BBX: variants seen among roughly 807,000 people sequenced by gnomAD.
BBX encodes the protein BBX high mobility group box domain containing.
A neutral mutation model predicts 100.2 loss-of-function variants in BBX; 30 were observed. That is an observed-to-expected ratio of 0.30 (90% CI 0.22 to 0.41). The LOEUF is 0.41. Ranked by LOEUF, BBX falls within the 10% of genes least tolerant of loss-of-function variation. BBX has a pLI of 1.00. For missense variants in BBX, 1,023 were observed against 1,129.8 expected, an observed-to-expected ratio of 0.91 and a Z score of 1.35; for synonymous variants, 376 against 388.1, an observed-to-expected ratio of 0.97 and a Z score of 0.37.
intron 3 of BBX, among the ~76,000 whole-genome samples, chr3:107,695,751 T>C (rs548596536): frequency 6.6e-6 from 1 of 151,490 alleles, no homozygotes; most frequent in South Asian, 2.1e-4. Context: ...TGGGTATCCT[T>C]GTTGACTTTC....
At chr3:107,597,561 T>A (rs1489935753) in intron 2 of BBX, among the ~76,000 whole-genome samples, 1 of 152,190 alleles carries the variant, frequency 6.6e-6, no homozygotes, top group Non-Finnish European at 1.5e-5. Flanking sequence ...TCATTCTTTT[T>A]AAATATATAC....
intron 12 of BBX, 101 bp from the exon 13 acceptor site, chr3:107,778,270 A>G: frequency 7.1e-7 from 1 of 1,410,992 alleles, no homozygotes; most frequent in Non-Finnish European, 9.8e-7. Context: ...TAATTCCCAG[A>G]GACCCTGTTT....
chr3:107,785,402 C>A (rs1412785310), intron 13 of BBX, among the ~76,000 whole-genome samples: 2 of 151,936 alleles, frequency 1.3e-5, no homozygotes, highest in Non-Finnish European at 2.9e-5. Context: ...AGATCAATAT[C>A]TCTTACAAAT....
intron 2 of BBX, among the ~76,000 whole-genome samples, chr3:107,620,198 T>G (rs2055636644): frequency 6.6e-6 from 1 of 152,186 alleles, no homozygotes; most frequent in South Asian, 2.1e-4. Context: ...AAATTTTTTA[T>G]TTTGGTTATT....
At chr3:107,645,397 G>A (rs980574246) in intron 2 of BBX, among the ~76,000 whole-genome samples, 32 of 151,978 alleles carry the variant, frequency 2.1e-4, no homozygotes, top group African/African-American at 7.7e-4. Flanking sequence ...TATTTAAAAG[G>A]CAAATCATAA....
Position 107,698,331 on chromosome 3 carries a change from T to TA in BBX, c.-9-12113dup, listed in dbSNP as rs200614087. Among the ~76,000 whole-genome samples, 62 of 151,234 alleles carry TA rather than the reference T, an allele frequency of 4.1e-4. 1 individual carries two copies. Among genetic ancestry groups the TA allele is most frequent in the African/African-American group, 1.1e-3 (43 of 40,892 alleles). ...ATTTAATATATATATATGTTTTTTT[T>TA]AAAAAAAATGTATGATTGCTCTTAA... On this transcript the variant is annotated intron_variant, in intron 3 of 17. Coordinates refer to ENST00000325805, the MANE Select transcript of BBX (RefSeq NM_001142568.3).
rs1356197672 is a variant in BBX at position 107,808,802 on chromosome 3, T to C, written c.*3345T>C. 1 of 152,214 alleles carries C rather than the reference T, an allele frequency of 6.6e-6. No individual in the cohort carries two copies. The highest frequency in any genetic ancestry group is 1.5e-5 in the Non-Finnish European group (1 of 68,038). 9.4% of individuals were successfully genotyped at this position (152,214 alleles called of 1,614,324 possible). On this transcript the variant is annotated 3_prime_UTR_variant, in exon 18 of 18. Coordinates refer to ENST00000325805, the MANE Select transcript of BBX (RefSeq NM_001142568.3). The stretch of plus-strand genomic sequence containing the variant: ...AAAAGGTAAATTCTACTGTTGTAAT[T>C]CCGATAGTCTTTTTCCCACAAATAT...
intron 2 of BBX, among the ~76,000 whole-genome samples, chr3:107,540,270 A>G (rs141115196): frequency 3.3e-5 from 5 of 152,210 alleles, no homozygotes; most frequent in Non-Finnish European, 7.4e-5. Flanking sequence ...ATGGGGGTCA[A>G]AGTGTTAGCA....
At chr3:107,673,286 A>G (rs1051911191) in intron 3 of BBX, among the ~76,000 whole-genome samples, 1 of 152,090 alleles carries the variant, frequency 6.6e-6, no homozygotes, top group African/African-American at 2.4e-5. Context: ...AAAACCTTTT[A>G]TGGGGTGTAA....
intron 2 of BBX, among the ~76,000 whole-genome samples, chr3:107,541,030 C>T (rs1185840408): frequency 1.3e-5 from 2 of 152,176 alleles, no homozygotes; most frequent in East Asian, 1.9e-4. Flanking sequence ...GCATCTTTCT[C>T]CTTTAGTGGC....
intron 2 of BBX, among the ~76,000 whole-genome samples, chr3:107,543,973 C>G (rs902967740): frequency 3.3e-5 from 5 of 152,188 alleles, no homozygotes; most frequent in Non-Finnish European, 7.3e-5. Flanking sequence ...GTCACTCGGA[C>G]TGAATCCATT....
At chr3:107,772,547 A>G (rs2066992070) in intron 10 of BBX, 81 bp from the exon 11 acceptor site, 1 of 1,364,118 alleles carries the variant, frequency 7.3e-7, no homozygotes, top group Non-Finnish European at 9.9e-7. Flanking sequence ...TTTAAAACAG[A>G]TATAATTGAA....
chr3:107,576,192 A>G (rs1359025984), intron 2 of BBX, among the ~76,000 whole-genome samples: 1 of 152,232 alleles, frequency 6.6e-6, no homozygotes, highest in Non-Finnish European at 1.5e-5. Flanking sequence ...ATCTTTGCAG[A>G]TGTGGGGAAA....
intron 3 of BBX, chr3:107,661,732 TCTCAA>T (rs2058455647): frequency 3.2e-6 from 1 of 317,042 alleles, no homozygotes; most frequent in Non-Finnish European, 4.6e-6. Flanking sequence ...CTTTTGCTCC[TCTCAA>T]CTCTTTATTT....
intron 10 of BBX, among the ~76,000 whole-genome samples, chr3:107,769,012 G>A (rs1380418342): frequency 1.2e-3 from 1 of 848 alleles, no homozygotes; most frequent in Non-Finnish European, 7.4e-3. Flanking sequence ...GGGGGCGGCG[G>A]GGGGGGGGAG....
chr3:107,569,330 T>A (rs1252549996), intron 2 of BBX, among the ~76,000 whole-genome samples: 1 of 152,154 alleles, frequency 6.6e-6, no homozygotes, highest in East Asian at 1.9e-4. Flanking sequence ...TTTATGGAGG[T>A]GTGTTTGGCA....
chr3:107,783,225 T>G (rs2068079469), intron 13 of BBX, among the ~76,000 whole-genome samples: 1 of 152,092 alleles, frequency 6.6e-6, no homozygotes, highest in African/African-American at 2.4e-5. Flanking sequence ...TCTTATCTAT[T>G]TGTTTTCGAG....
In BBX at chr3:107,631,743, A is replaced by G. The variant is rs755617212; in HGVS notation, c.-83-14093A>G. 2.6e-5 allele frequency among the ~76,000 whole-genome samples: 4 copies of G among 152,120 alleles called. No homozygotes were observed. The South Asian group carries it at 6.2e-4, about 24-fold the overall frequency. ...AGTTCCAGGTCAATTTTCCTTAGCT[A>G]CGGAAGACTCTTTAACTTCTCTGCA... On this transcript the variant is annotated intron_variant, in intron 2 of 17. Transcript: ENST00000325805.
At chr3:107,633,651 C>T (rs187844102) in intron 2 of BBX, among the ~76,000 whole-genome samples, 17 of 152,302 alleles carry the variant, frequency 1.1e-4, no homozygotes, top group Admixed American at 1.1e-3. Context: ...CCTGCACAAA[C>T]ATCCAAGAGG....
Sources: gnomAD v4.1 joint callset for allele counts (sites outside exome capture counted in the v4.1 genomes callset) on GRCh38, gnomAD v4.1.1 for gene constraint, MANE v1.5 for transcripts, NCBI Gene and HGNC (gene_info 2026-07-23, HGNC 2026-07-21) for gene names.